The following CAMK2D variants were observed in gnomAD, a reference collection of about 807,000 sequenced individuals.
The protein encoded by CAMK2D is calcium/calmodulin-dependent protein kinase type II subunit delta.
Under a neutral mutation model 84.0 loss-of-function variants are expected in CAMK2D, and 37 were observed. The ratio of observed to expected loss-of-function variants is 0.44; its 90% confidence interval spans 0.34 to 0.58. CAMK2D has a LOEUF of 0.58. CAMK2D is among the 20% of genes least tolerant of loss of function. The pLI, the probability that CAMK2D is intolerant of heterozygous loss-of-function variation, is 0.02. For missense variants in CAMK2D, 448 were observed against 652.5 expected (o/e 0.69, Z 3.41); for synonymous variants, 202 against 212.5 (o/e 0.95, Z 0.43).
chr4:113,631,227 TGTA>T (rs1346395803), intron 3 of CAMK2D, among the ~76,000 whole-genome samples: 1 of 152,158 alleles, frequency 6.6e-6, no homozygotes, highest in Non-Finnish European at 1.5e-5. Flanking sequence ...CAGCTGAGAT[TGTA>T]GACTGAATAT....
intron 2 of CAMK2D, among the ~76,000 whole-genome samples, chr4:113,686,894 A>C (rs990416602): frequency 7.2e-5 from 11 of 151,970 alleles, no homozygotes; most frequent in African/African-American, 2.7e-4. Flanking sequence ...ACACACATAC[A>C]CTTCAAGTTG....
intron 3 of CAMK2D, among the ~76,000 whole-genome samples, chr4:113,641,294 A>C (rs1469232605): frequency 6.6e-6 from 1 of 152,198 alleles, no homozygotes; most frequent in Non-Finnish European, 1.5e-5. Context: ...ACCCTTCATA[A>C]ACTAAGCAAC....
intron 2 of CAMK2D, among the ~76,000 whole-genome samples, chr4:113,692,616 TCACA>T (rs992180512): frequency 5.3e-5 from 8 of 151,938 alleles, no homozygotes; most frequent in African/African-American, 1.9e-4. Flanking sequence ...ATACATATAG[TCACA>T]CATTCATATA....
chr4:113,469,092 T>C (rs1282555719), intron 16 of CAMK2D, among the ~76,000 whole-genome samples: 1 of 152,184 alleles, frequency 6.6e-6, no homozygotes, highest in Non-Finnish European at 1.5e-5. Flanking sequence ...AATTCATATA[T>C]TTTTGGCTCT....
At chr4:113,464,666 T>C (rs2097434806) in intron 17 of CAMK2D, among the ~76,000 whole-genome samples, 1 of 152,202 alleles carries the variant, frequency 6.6e-6, no homozygotes, top group Non-Finnish European at 1.5e-5. Flanking sequence ...TTATAAACTT[T>C]AAATAAGCAT....
intron 16 of CAMK2D, among the ~76,000 whole-genome samples, chr4:113,488,448 A>G (rs566919578): frequency 3.3e-4 from 51 of 152,292 alleles, no homozygotes; most frequent in African/African-American, 1.2e-3. Context: ...GCAGTAGGAT[A>G]TAAATAACTC....
intron 2 of CAMK2D, among the ~76,000 whole-genome samples, chr4:113,686,532 T>C (rs1389957522): frequency 1.3e-5 from 2 of 152,202 alleles, no homozygotes; most frequent in African/African-American, 4.8e-5. Flanking sequence ...TTGTAAGAGA[T>C]GATTTTTATT....
chr4:113,613,378 A>G (rs886807588), intron 3 of CAMK2D, among the ~76,000 whole-genome samples: 1 of 152,136 alleles, frequency 6.6e-6, no homozygotes, highest in Non-Finnish European at 1.5e-5. Flanking sequence ...TGAACAAACT[A>G]CTTGCCAAAT....
intron 3 of CAMK2D, among the ~76,000 whole-genome samples, chr4:113,630,385 C>A (rs1012881130): frequency 3.9e-5 from 6 of 152,128 alleles, no homozygotes; most frequent in Non-Finnish European, 8.8e-5. Flanking sequence ...AAATCACTTG[C>A]ACATTTGTTC....
At chr4:113,616,396 G>T (rs2099021351) in intron 3 of CAMK2D, among the ~76,000 whole-genome samples, 2 of 152,136 alleles carry the variant, frequency 1.3e-5, no homozygotes, top group South Asian at 4.1e-4. Flanking sequence ...AAGATTAAAA[G>T]CCAAGTTTAG....
chr4:113,719,022 T>G (rs2099522248), intron 2 of CAMK2D, among the ~76,000 whole-genome samples: 2 of 152,194 alleles, frequency 1.3e-5, no homozygotes, highest in Admixed American at 1.3e-4. Flanking sequence ...CTAACATCTA[T>G]GCTCAAGTAA....
At chr4:113,588,006 C>CA (rs1439019864) in intron 4 of CAMK2D, among the ~76,000 whole-genome samples, 4 of 152,066 alleles carry the variant, frequency 2.6e-5, no homozygotes. Flanking sequence ...TTTGGGTCAA[C>CA]ATTTCTGGAA....
chr4:113,605,601 C>A, intron 4 of CAMK2D, among the ~76,000 whole-genome samples: 1 of 152,184 alleles, frequency 6.6e-6, no homozygotes, highest in Non-Finnish European at 1.5e-5. Flanking sequence ...ATACCTTGAT[C>A]TGCAAAACAA....
At chr4:113,575,611 A>G (rs986778426) in intron 4 of CAMK2D, among the ~76,000 whole-genome samples, 2 of 152,092 alleles carry the variant, frequency 1.3e-5, no homozygotes, top group African/African-American at 4.8e-5. Flanking sequence ...TGTAGCTCTA[A>G]TTTCTTTGCT....
chr4:113,741,915 G>A lies in CAMK2D; in HGVS notation c.160+17405C>T, dbSNP rs73844667. Among the ~76,000 whole-genome samples, 566 of 152,150 alleles carry A rather than the reference G, an allele frequency of 3.7e-3. 9 individuals are homozygous for A. In the South Asian group the frequency reaches 0.051, roughly 14 times the overall value. ...ATGTTCTTTCTTCGTATTTTCTCAC[G>A]GTTTGCTTCTTTTCATCGTTAATGC... On this transcript the variant is annotated intron_variant, in intron 2 of 20. Coordinates refer to ENST00000511664, the MANE Select transcript of CAMK2D (RefSeq NM_001321571.2).
Position 113,758,905 on chromosome 4 carries a change from T to C in CAMK2D, c.160+415A>G, listed in dbSNP as rs547012186. 1.4e-3 allele frequency among the ~76,000 whole-genome samples: 218 copies of C among 152,308 alleles called. 3 individuals carry two copies. The highest frequency in any genetic ancestry group is 5.2e-4 in the Admixed American group (8 of 15,304). Reference sequence around the variant, plus strand: ...GAATTAAGTTCAAGTGTAACTACAATTGAAATGTATGATTCAACTGAGCTA... The same window carrying C: ...GAATTAAGTTCAAGTGTAACTACAACTGAAATGTATGATTCAACTGAGCTA... On this transcript the variant is annotated intron_variant, in intron 2 of 20. Transcript: ENST00000511664.
At chr4:113,737,080 G>A (rs1236075736) in intron 2 of CAMK2D, among the ~76,000 whole-genome samples, 3 of 152,084 alleles carry the variant, frequency 2.0e-5, no homozygotes, top group African/African-American at 7.2e-5. Flanking sequence ...GCACTTTCCT[G>A]TGTACAATAA....
intron 9 of CAMK2D, 67 bp from the exon 10 acceptor site, chr4:113,515,258 A>T (rs547701048): frequency 5.1e-5 from 54 of 1,055,628 alleles, no homozygotes; most frequent in East Asian, 1.6e-4. Flanking sequence ...GGAAGAGTCA[A>T]CTACATGAAT....
chr4:113,466,417 A>G (rs546420078), intron 16 of CAMK2D, among the ~76,000 whole-genome samples: 2 of 152,284 alleles, frequency 1.3e-5, no homozygotes, highest in South Asian at 2.1e-4. Context: ...TAATATGTCT[A>G]TCTTCAGAGT....
Sources: allele counts gnomAD v4.1 joint callset (sites outside exome capture counted in the v4.1 genomes callset), GRCh38; gene constraint gnomAD v4.1.1; transcripts MANE v1.5; gene names NCBI Gene and HGNC (gene_info 2026-07-23, HGNC 2026-07-21).